Variants in DCBLD1 observed in about 807,000 individuals in gnomAD.
DCBLD1 encodes discoidin, CUB and LCCL domain-containing protein 1.
A neutral mutation model predicts 71.5 loss-of-function variants in DCBLD1; 57 were observed. The ratio of observed to expected loss-of-function variants is 0.80; its 90% confidence interval spans 0.64 to 0.99. The LOEUF (loss-of-function observed/expected upper bound fraction) is 0.99, where lower values mean the gene tolerates loss of function less well. Ranked by LOEUF, DCBLD1 falls within the 50% of genes least tolerant of loss-of-function variation. The pLI, the probability that DCBLD1 is intolerant of heterozygous loss-of-function variation, is 0.00. For missense variants in DCBLD1, 891 were observed against 923.5 expected (o/e 0.96, Z 0.46); for synonymous variants, 380 against 363.8 (o/e 1.04, Z -0.51).
intron 1 of DCBLD1, among the ~76,000 whole-genome samples, chr6:117,489,312 C>A (rs1348879681): frequency 6.6e-6 from 1 of 152,134 alleles, no homozygotes; most frequent in Non-Finnish European, 1.5e-5. Flanking sequence ...TCACTTATCA[C>A]CAAGGGGATG....
chr6:117,544,793 T>C, intron 13 of DCBLD1, among the ~76,000 whole-genome samples: 1 of 151,946 alleles, frequency 6.6e-6, no homozygotes, highest in East Asian at 2.0e-4. Context: ...TCATCCCCTA[T>C]CATTTGTCAA....
chr6:117,550,298 G>A (rs949757438), downstream of DCBLD1, among the ~76,000 whole-genome samples: 3 of 152,116 alleles, frequency 2.0e-5, no homozygotes, highest in Admixed American at 6.5e-5. Flanking sequence ...TGTAGAACAG[G>A]TTGGGTGAGT....
At chr6:117,492,116 A>G (rs945891904) in intron 1 of DCBLD1, among the ~76,000 whole-genome samples, 3 of 152,168 alleles carry the variant, frequency 2.0e-5, no homozygotes, top group African/African-American at 7.2e-5. Flanking sequence ...GTTACAAGTA[A>G]TCTTTGGAAT....
chr6:117,523,951 TTG>T (rs1778464350), intron 4 of DCBLD1, among the ~76,000 whole-genome samples: 1 of 152,190 alleles, frequency 6.6e-6, no homozygotes, highest in Non-Finnish European at 1.5e-5. Flanking sequence ...GGCTTCCTTT[TTG>T]TGTGTTTTTT....
intron 5 of DCBLD1, among the ~76,000 whole-genome samples, chr6:117,530,783 T>G (rs1248284816): frequency 6.6e-6 from 1 of 152,224 alleles, no homozygotes; most frequent in African/African-American, 2.4e-5. Flanking sequence ...ATAAGAAAGC[T>G]TTTTAATGAA....
chr6:117,504,466 G>A (rs531761513), intron 2 of DCBLD1, among the ~76,000 whole-genome samples: 37 of 152,278 alleles, frequency 2.4e-4, no homozygotes, highest in African/African-American at 8.7e-4. Context: ...TAATGAAAAC[G>A]AAGGCATCCA....
At chr6:117,501,010 TTTTCTC>T (rs1777639704) in intron 1 of DCBLD1, among the ~76,000 whole-genome samples, 1 of 152,040 alleles carries the variant, frequency 6.6e-6, no homozygotes, top group Non-Finnish European at 1.5e-5. Flanking sequence ...AAAAAAAAGT[TTTTCTC>T]TTCCTCTTTT....
intron 1 of DCBLD1, among the ~76,000 whole-genome samples, chr6:117,489,452 T>C (rs1777205580): frequency 6.6e-6 from 1 of 152,074 alleles, no homozygotes; most frequent in African/African-American, 2.4e-5. Flanking sequence ...ATATCAACAA[T>C]AATTTTAGGC....
intron 5 of DCBLD1, among the ~76,000 whole-genome samples, chr6:117,530,246 G>A (rs574075924): frequency 6.6e-6 from 1 of 152,120 alleles, no homozygotes; most frequent in South Asian, 2.1e-4. Context: ...CAGCAGTCCC[G>A]AACCTTTTTG....
chr6:117,544,669 T>C, intron 13 of DCBLD1, 92 bp downstream of exon 13: 2 of 1,407,316 alleles, frequency 1.4e-6, no homozygotes, highest in South Asian at 1.3e-5. Context: ...GTGGCCCACA[T>C]TTATTTGGTT....
At chr6:117,525,542 G>GACTC in intron 5 of DCBLD1, 108 bp downstream of exon 5, 3 of 740,740 alleles carry the variant, frequency 4.1e-6, no homozygotes, top group Non-Finnish European at 5.9e-6. Flanking sequence ...ACTCTAGATA[G>GACTC]ATGCATGAGT....
At position 117,548,475 on chromosome 6, in the gene DCBLD1, G is replaced by A. The variant is rs1165790811; in HGVS notation, c.*36G>A. ...AAAGAAGCCTGCTGTGGTACTGAGC[G>A]TCGGGCTGTCACAAGGCACTGGAAG... On this transcript the variant is annotated 3_prime_UTR_variant, in exon 15 of 15. Coordinates refer to ENST00000338728, the MANE Select transcript of DCBLD1 (RefSeq NM_001366458.2). 5 of 1,548,220 alleles carry A rather than the reference G, an allele frequency of 3.2e-6. No homozygotes were observed. Among genetic ancestry groups the A allele is most frequent in the Non-Finnish European group, 2.6e-6 (3 of 1,146,784 alleles).
chr6:117,519,604 G>A (rs1286693888), intron 2 of DCBLD1, among the ~76,000 whole-genome samples: 1 of 152,266 alleles, frequency 6.6e-6, no homozygotes, highest in Admixed American at 6.5e-5. Context: ...CCTATTGCTT[G>A]TCTAGAGTAA....
At chr6:117,547,764 G>C (rs1779317684) in intron 14 of DCBLD1, 143 bp from the exon 15 acceptor site, 1 of 1,531,048 alleles carries the variant, frequency 6.5e-7, no homozygotes, top group African/African-American at 1.4e-5. Flanking sequence ...TTCACATCAG[G>C]GTTTTCCGCA....
chr6:117,538,616 TC>T lies in DCBLD1; in HGVS notation c.761-3del. On this transcript the variant is annotated splice_region_variant and splice_polypyrimidine_tract_variant and intron_variant, in intron 7 of 14. Transcript: ENST00000338728. ...TAAAATATCTTACTGCACTCTTTTT[TC>T]AGGTTGCAGCAGATCCTTGAGTTTT... 6.2e-7 allele frequency: 1 copy of T among 1,613,870 alleles called. No homozygotes were observed. Among genetic ancestry groups the T allele is most frequent in the Non-Finnish European group, 8.5e-7 (1 of 1,179,916 alleles).
At chr6:117,536,014 G>T (rs145316631) in intron 6 of DCBLD1, among the ~76,000 whole-genome samples, 88 of 152,236 alleles carry the variant, frequency 5.8e-4, no homozygotes, top group African/African-American at 2.1e-3. Context: ...CAGGGTTTAT[G>T]GAGTCTGCCA....
intron 1 of DCBLD1, among the ~76,000 whole-genome samples, chr6:117,492,870 C>A (rs1385626976): frequency 6.6e-6 from 1 of 152,146 alleles, no homozygotes; most frequent in African/African-American, 2.4e-5. Context: ...GGTGCATAAA[C>A]CTACGCTTGC....
At chr6:117,537,635 T>C (rs1235694781) in intron 7 of DCBLD1, among the ~76,000 whole-genome samples, 3 of 148,640 alleles carry the variant, frequency 2.0e-5, no homozygotes, top group South Asian at 4.2e-4. Context: ...TTTTTTTTTT[T>C]TCCTTTTTTC....
chr6:117,483,908 A>G (rs1452113854), intron 1 of DCBLD1, among the ~76,000 whole-genome samples: 1 of 151,974 alleles, frequency 6.6e-6, no homozygotes, highest in African/African-American at 2.4e-5. Flanking sequence ...TCACTGAACT[A>G]TGCCTCCATT....
Sources: gnomAD v4.1 joint callset for allele counts (sites outside exome capture counted in the v4.1 genomes callset) on GRCh38, gnomAD v4.1.1 for gene constraint, MANE v1.5 for transcripts, NCBI Gene and HGNC (gene_info 2026-07-23, HGNC 2026-07-21) for gene names.